STX11: variants seen among roughly 807,000 people sequenced by gnomAD.
STX11 encodes the protein syntaxin 11, also known as syntaxin-11.
Under a neutral mutation model 19.9 loss-of-function variants are expected in STX11, and 21 were observed. The observed-to-expected ratio is 1.06, with a 90% CI of 0.75 to 1.52. The LOEUF (loss-of-function observed/expected upper bound fraction) is 1.52, where lower values mean the gene tolerates loss of function less well. STX11 is among the 40% of genes most tolerant of loss of function. The pLI is 0.00. For synonymous variants in STX11, 193 were observed against 174.4 expected (o/e 1.11, Z -0.84); for missense variants, 438 against 405.9 (o/e 1.08, Z -0.68).
chr6:144,162,580 A>C lies in STX11; in HGVS notation c.-6+11877A>C, dbSNP rs1801371793. Among the ~76,000 whole-genome samples, 1 of 152,238 alleles carries C rather than the reference A, an allele frequency of 6.6e-6. No individual in the cohort carries two copies. Among genetic ancestry groups the C allele is most frequent in the Admixed American group, 6.5e-5 (1 of 15,284 alleles). On this transcript the variant is annotated intron_variant, in intron 1 of 1. Coordinates refer to ENST00000367568, the MANE Select transcript of STX11 (RefSeq NM_003764.4). The surrounding 1 kb of genome is among the most constrained non-coding windows in gnomAD (Gnocchi z 4.6). Reference sequence around the variant, plus strand: ...TATTAAGCTATTAGCACTTACAAGCAGATACATTCATCAGAACAGTTGTTT... The same window carrying C: ...TATTAAGCTATTAGCACTTACAAGCCGATACATTCATCAGAACAGTTGTTT...
chr6:144,179,503 C>T (rs1801854034), intron 1 of STX11, among the ~76,000 whole-genome samples: 1 of 152,226 alleles, frequency 6.6e-6, no homozygotes, highest in African/African-American at 2.4e-5. Context: ...TGCTAAATTA[C>T]AGTGACACTC....
chr6:144,186,389 T>G (rs1802034071), intron 1 of STX11, among the ~76,000 whole-genome samples: 1 of 152,064 alleles, frequency 6.6e-6, no homozygotes, highest in Admixed American at 6.5e-5. Context: ...GGCTATGATA[T>G]TGAACTGCAG....
chr6:144,146,498 G>A (rs1800876264), upstream of STX11, among the ~76,000 whole-genome samples: 2 of 152,144 alleles, frequency 1.3e-5, no homozygotes, highest in South Asian at 2.1e-4. This position sits in a 1 kb window ranked among gnomAD's most constrained non-coding sequence, Gnocchi z 4.4. Flanking sequence ...TTTTAGTAGA[G>A]ACGGGGTTTC....
Position 144,172,359 on chromosome 6 carries a change from C to T in STX11, c.-5-14264C>T, listed in dbSNP as rs7764750. On this transcript the variant is annotated intron_variant, in intron 1 of 1. Coordinates refer to ENST00000367568, the MANE Select transcript of STX11 (RefSeq NM_003764.4). The surrounding 1 kb of genome is among the most constrained non-coding windows in gnomAD (Gnocchi z 4.2). ...GGCCTAGCTCTCCGTGCGGTCTTCACCCTCCAGGAGGCTAGTCTGAGCTTT... is the reference window on the plus strand; with the variant it reads ...GGCCTAGCTCTCCGTGCGGTCTTCATCCTCCAGGAGGCTAGTCTGAGCTTT... Among the ~76,000 whole-genome samples the T allele has an allele frequency of 0.56, 84,616 of 151,932 alleles. 26,719 individuals carry two copies. The highest frequency in any genetic ancestry group is 0.87 in the African/African-American group (36,054 of 41,476).
In STX11 at chr6:144,154,655, A is replaced by T. The variant is rs1360460908; in HGVS notation, c.-6+3952A>T. On this transcript the variant is annotated intron_variant, in intron 1 of 1. Transcript: ENST00000367568. This position sits in a 1 kb window ranked among gnomAD's most constrained non-coding sequence, Gnocchi z 4.7. The stretch of plus-strand genomic sequence containing the variant: ...TCAAATGGTGGAAGAACCACTAACA[A>T]ATGCAGACAGGTACATAACAACTCC... 6.6e-6 allele frequency among the ~76,000 whole-genome samples: 1 copy of T among 152,202 alleles called. No homozygotes were observed. Among genetic ancestry groups the T allele is most frequent in the Non-Finnish European group, 1.5e-5 (1 of 68,038 alleles).
At position 144,169,663 on chromosome 6, in the gene STX11, C is replaced by CCCTTCCTTCCTTCCTTCCTT. The variant is rs144586806; in HGVS notation, c.-5-16954_-5-16935dup. ...CTCCTTTTCTTTTCCCTCCCTCCCT[C>CCCTTCCTTCCTTCCTTCCTT]CCTTCCTTCCTTCCTTCCTTCCTTC... On this transcript the variant is annotated intron_variant, in intron 1 of 1. Transcript: ENST00000367568. The surrounding 1 kb of genome is among the most constrained non-coding windows in gnomAD (Gnocchi z 5.2). 7.2e-5 allele frequency among the ~76,000 whole-genome samples: 10 copies of CCCTTCCTTCCTTCCTTCCTT among 139,668 alleles called. No individual in the cohort carries two copies. Among genetic ancestry groups the CCCTTCCTTCCTTCCTTCCTT allele is most frequent in the Non-Finnish European group, 1.2e-4 (8 of 64,916 alleles). The allele number at this position is 139,668 out of a possible 152,430, so 91.6% of individuals were successfully genotyped here.
chr6:144,150,393 T>G, upstream of STX11: 1 of 708,870 alleles, frequency 1.4e-6, no homozygotes, highest in Non-Finnish European at 1.7e-6. Context: ...GGACTCTGGG[T>G]GGGGCGGGAA....
rs1206114568 is a variant in STX11 at position 144,187,127 on chromosome 6, T to C, written c.500T>C (p.Ile167Thr). 6.2e-7 allele frequency: 1 copy of C among 1,613,780 alleles called. No homozygotes were observed. Among genetic ancestry groups the C allele is most frequent in the Admixed American group, 1.7e-5 (1 of 60,020 alleles). Reference sequence around the variant, plus strand: ...ATCCGCATCCAGCGCCAGCTGGAGATCATGGGCAAGGAAGTCTCGGGCGAC... The same window carrying C: ...ATCCGCATCCAGCGCCAGCTGGAGACCATGGGCAAGGAAGTCTCGGGCGAC... ...CKIRIQRQLE[I>T]MGKEVSGDQI... The change falls in exon 2 of 2, where the codon ATC becomes ACC. Residue 167 changes from isoleucine to threonine, a missense_variant. Transcript: ENST00000367568. This position sits in a 1 kb window ranked among gnomAD's most constrained non-coding sequence, Gnocchi z 5.6.
At position 144,153,967 on chromosome 6, in the gene STX11, T is replaced by C. The variant is rs1471036975; in HGVS notation, c.-6+3264T>C. 6.6e-6 allele frequency among the ~76,000 whole-genome samples: 1 copy of C among 152,238 alleles called. No individual in the cohort carries two copies. Among genetic ancestry groups the C allele is most frequent in the Non-Finnish European group, 1.5e-5 (1 of 68,040 alleles). On this transcript the variant is annotated intron_variant, in intron 1 of 1. Transcript: ENST00000367568. This position sits in a 1 kb window ranked among gnomAD's most constrained non-coding sequence, Gnocchi z 5.0. The stretch of plus-strand genomic sequence containing the variant: ...TTAAGATTTTTCAAATGAATGCTAG[T>C]AATAGCTAAAATTTATTGAGTGCTT...
rs1358955339 is a variant in STX11, at chr6:144,155,762, A to G, written c.-6+5059A>G. Among the ~76,000 whole-genome samples the G allele has an allele frequency of 6.6e-6, 1 of 152,146 alleles. No homozygotes were observed. The highest frequency in any genetic ancestry group is 1.5e-5 in the Non-Finnish European group (1 of 68,026). On this transcript the variant is annotated intron_variant, in intron 1 of 1. Coordinates refer to ENST00000367568, the MANE Select transcript of STX11 (RefSeq NM_003764.4). This position sits in a 1 kb window ranked among gnomAD's most constrained non-coding sequence, Gnocchi z 4.5. The stretch of plus-strand genomic sequence containing the variant: ...TACTAATAATGAAACCATCTGTCAG[A>G]GTAAGTCATTTCTTGGCCACTCCTT...
upstream of STX11, among the ~76,000 whole-genome samples, chr6:144,148,875 G>A (rs1426659980): frequency 6.6e-6 from 1 of 152,196 alleles, no homozygotes; most frequent in Admixed American, 6.5e-5. Flanking sequence ...GATTACAGGC[G>A]TGAGCCACGT....
rs1341807501 is a variant in STX11, at chr6:144,175,373, CATAAGAGTTTTTTTCCACTTTGCTA to C, written c.-5-11245_-5-11221del. ...TTGCTGTAAATGGAAATGGCAATTA[CATAAGAGTTTTTTTCCACTTTGCTA>C]ATAACATTGTTTTTTCTTCTGCCTC... On this transcript the variant is annotated intron_variant, in intron 1 of 1. Transcript: ENST00000367568. The surrounding 1 kb of genome is among the most constrained non-coding windows in gnomAD (Gnocchi z 5.1). 6.6e-6 allele frequency among the ~76,000 whole-genome samples: 1 copy of C among 152,168 alleles called. No individual in the cohort carries two copies. The highest frequency in any genetic ancestry group is 1.5e-5 in the Non-Finnish European group (1 of 68,032).
chr6:144,191,189 C>T lies in STX11; in HGVS notation c.*3698C>T, dbSNP rs1353238010. 6.7e-6 allele frequency among the ~76,000 whole-genome samples: 1 copy of T among 149,828 alleles called. No homozygotes were observed. Among genetic ancestry groups the T allele is most frequent in the East Asian group, 2.0e-4 (1 of 5,112 alleles). On this transcript the variant is annotated 3_prime_UTR_variant, in exon 2 of 2. Coordinates refer to ENST00000367568, the MANE Select transcript of STX11 (RefSeq NM_003764.4). Reference sequence around the variant, plus strand: ...TCTACTAGCCAAATATCAAATTTTACAACTACCACCAAGCCACAGATTATA... The same window carrying T: ...TCTACTAGCCAAATATCAAATTTTATAACTACCACCAAGCCACAGATTATA...
intron 1 of STX11, among the ~76,000 whole-genome samples, chr6:144,181,135 C>T (rs1801901787): frequency 6.6e-6 from 1 of 152,150 alleles, no homozygotes; most frequent in South Asian, 2.1e-4. Flanking sequence ...AGCCTCCATA[C>T]CAGGGAGCCA....
At chr6:144,163,286 TTATGGGC>T (rs1562659127) in intron 1 of STX11, among the ~76,000 whole-genome samples, 1 of 152,160 alleles carries the variant, frequency 6.6e-6, no homozygotes, top group Non-Finnish European at 1.5e-5. Context: ...TAAAAATGCT[TTATGGGC>T]TAGGCGTCAT....
At chr6:144,150,276 G>A (rs975889478), upstream of STX11, among the ~76,000 whole-genome samples, 1 of 152,252 alleles carries the variant, frequency 6.6e-6, no homozygotes, top group Non-Finnish European at 1.5e-5. Flanking sequence ...TGTCTTGGGC[G>A]GCAAACATCC....
At chr6:144,185,684 C>T (rs533652445) in intron 1 of STX11, among the ~76,000 whole-genome samples, 17 of 152,134 alleles carry the variant, frequency 1.1e-4, no homozygotes, top group African/African-American at 3.9e-4. Flanking sequence ...TACTAGGCCA[C>T]GTATGATTGG....
In STX11 at chr6:144,167,709, C is replaced by T. The variant is rs1801520790; in HGVS notation, c.-6+17006C>T. 6.6e-6 allele frequency among the ~76,000 whole-genome samples: 1 copy of T among 152,184 alleles called. No individual in the cohort carries two copies. Among genetic ancestry groups the T allele is most frequent in the Admixed American group, 6.5e-5 (1 of 15,280 alleles). Reference sequence around the variant, plus strand: ...TCACAGCTCACTGAAGCCTTAACCTCCTGGGCTCAGGTGATCATCCCATCT... The same window carrying T: ...TCACAGCTCACTGAAGCCTTAACCTTCTGGGCTCAGGTGATCATCCCATCT... On this transcript the variant is annotated intron_variant, in intron 1 of 1. Coordinates refer to ENST00000367568, the MANE Select transcript of STX11 (RefSeq NM_003764.4). This position sits in a 1 kb window ranked among gnomAD's most constrained non-coding sequence, Gnocchi z 5.0.
chr6:144,183,723 T>TA lies in STX11; in HGVS notation c.-5-2899dup. On this transcript the variant is annotated intron_variant, in intron 1 of 1. Coordinates refer to ENST00000367568, the MANE Select transcript of STX11 (RefSeq NM_003764.4). This position sits in a 1 kb window ranked among gnomAD's most constrained non-coding sequence, Gnocchi z 4.6. Reference sequence around the variant, plus strand: ...AACAATAATACTGATTTTATTATTTTATCTTATTTTATGTTTTTAAGTTCC... The same window carrying TA: ...AACAATAATACTGATTTTATTATTTTAATCTTATTTTATGTTTTTAAGTTCC... 6.6e-6 allele frequency among the ~76,000 whole-genome samples: 1 copy of TA among 152,218 alleles called. No homozygotes were observed. The highest frequency in any genetic ancestry group is 1.9e-4 in the East Asian group (1 of 5,202).
Sources: allele counts gnomAD v4.1 joint callset (sites outside exome capture counted in the v4.1 genomes callset), GRCh38; gene constraint gnomAD v4.1.1; non-coding constraint Gnocchi (gnomAD v3.1); transcripts MANE v1.5; gene names NCBI Gene and HGNC (gene_info 2026-07-23, HGNC 2026-07-21).